INPP4B: variants seen among roughly 807,000 people sequenced by gnomAD.
The protein encoded by INPP4B is inositol polyphosphate-4-phosphatase type II B, also known as inositol polyphosphate 4-phosphatase type II.
Under a neutral mutation model 122.5 loss-of-function variants are expected in INPP4B, and 55 were observed. That is an observed-to-expected ratio of 0.45 (90% CI 0.36 to 0.56). The LOEUF is 0.56. Ranked by LOEUF, INPP4B falls within the 20% of genes least tolerant of loss-of-function variation. The probability of loss-of-function intolerance (pLI) is 0.00; values close to 1 mark genes in which losing one functional copy is unlikely to be tolerated. For missense variants in INPP4B, 1,000 were observed against 1,097.7 expected, an observed-to-expected ratio of 0.91 and a Z score of 1.26; for synonymous variants, 403 against 388.7, an observed-to-expected ratio of 1.04 and a Z score of -0.43.
At chr4:142,839,243 A>T (rs1783179332) in intron 1 of INPP4B, among the ~76,000 whole-genome samples, 1 of 152,160 alleles carries the variant, frequency 6.6e-6, no homozygotes, top group Non-Finnish European at 1.5e-5. Context: ...GGATAACCTG[A>T]GGTCAGGAGT....
intron 25 of INPP4B, among the ~76,000 whole-genome samples, chr4:142,060,195 A>G (rs1759855339): frequency 6.6e-6 from 1 of 152,162 alleles, no homozygotes. Context: ...TTGGTTGCAG[A>G]GCCCAAAACC....
chr4:142,474,367 A>T (rs1363247243), intron 2 of INPP4B: 3 of 152,008 alleles, frequency 2.0e-5, no homozygotes, highest in Non-Finnish European at 4.4e-5. Context: ...TAGGCTGGCA[A>T]TGCCTGTTAG....
intron 23 of INPP4B, among the ~76,000 whole-genome samples, chr4:142,094,213 G>A (rs1414613632): frequency 1.3e-5 from 2 of 152,124 alleles, no homozygotes; most frequent in African/African-American, 4.8e-5. Context: ...AGAGCAGAGT[G>A]GGAAAGGAAA....
chr4:142,342,414 G>T (rs1239755385), intron 7 of INPP4B, among the ~76,000 whole-genome samples: 1 of 152,078 alleles, frequency 6.6e-6, no homozygotes, highest in Non-Finnish European at 1.5e-5. Context: ...AAACAAAATT[G>T]AGAAATAAAA....
At position 142,190,743 on chromosome 4, in the gene INPP4B, T is replaced by C. The variant is rs972692237; in HGVS notation, c.1181+2344A>G. 3.7e-5 allele frequency among the ~76,000 whole-genome samples: 5 copies of C among 135,176 alleles called. No individual in the cohort carries two copies. In the South Asian group the frequency reaches 1.0e-3, roughly 27 times the overall value. The allele number at this position is 135,176 out of a possible 152,430, so 88.7% of individuals were successfully genotyped here. A position where few individuals can be genotyped will look rare whatever the true frequency, so the allele number is the denominator to read the frequency against. ...GTGTGTGTGTGTGTGTGTGTGTGTG[T>C]GTGCGCGTGTGTGTTGATATGTAAC... On this transcript the variant is annotated intron_variant, in intron 15 of 25. Transcript: ENST00000262992.
intron 12 of INPP4B, among the ~76,000 whole-genome samples, chr4:142,214,690 C>G (rs1004741111): frequency 6.6e-6 from 1 of 152,096 alleles, no homozygotes. Flanking sequence ...GTAGCTGGGA[C>G]TACAGGCGCC....
intron 16 of INPP4B, among the ~76,000 whole-genome samples, chr4:142,164,976 G>T (rs116344787): frequency 2.2e-3 from 327 of 151,790 alleles, no homozygotes; most frequent in Non-Finnish European, 3.7e-3. Flanking sequence ...AATGTGGTAA[G>T]TCAGCCCACA....
intron 1 of INPP4B, among the ~76,000 whole-genome samples, chr4:142,772,970 C>T (rs1384826457): frequency 6.6e-6 from 1 of 151,976 alleles, no homozygotes; most frequent in African/African-American, 2.4e-5. Context: ...TGCTTGAACC[C>T]GGGAGTCAGA....
At chr4:142,080,112 G>A (rs1022473880) in intron 25 of INPP4B, among the ~76,000 whole-genome samples, 3 of 152,062 alleles carry the variant, frequency 2.0e-5, no homozygotes, top group African/African-American at 7.2e-5. Flanking sequence ...TGAGGAAACT[G>A]AGAGGTACAA....
intron 2 of INPP4B, among the ~76,000 whole-genome samples, chr4:142,657,113 G>C (rs1472547879): frequency 6.6e-6 from 1 of 152,054 alleles, no homozygotes. Flanking sequence ...TGACTGGGTG[G>C]TCCTCTGTGT....
chr4:142,190,855 G>T (rs1835491535), intron 15 of INPP4B, among the ~76,000 whole-genome samples: 1 of 152,004 alleles, frequency 6.6e-6, no homozygotes. Flanking sequence ...TCTAACCACA[G>T]AACTCAACAG....
chr4:142,660,196 C>A (rs950475647), intron 2 of INPP4B, among the ~76,000 whole-genome samples: 1 of 152,146 alleles, frequency 6.6e-6, no homozygotes, highest in African/African-American at 2.4e-5. Flanking sequence ...CCCCATCCCC[C>A]ACTTCATGGG....
At chr4:142,594,689 C>T (rs1156394793) in intron 2 of INPP4B, among the ~76,000 whole-genome samples, 2 of 152,088 alleles carry the variant, frequency 1.3e-5, no homozygotes, top group African/African-American at 4.8e-5. Context: ...GGCATGGTGG[C>T]TCACACCTGT....
chr4:142,029,513 C>G, intron 25 of INPP4B: 1 of 985,612 alleles, frequency 1.0e-6, no homozygotes, highest in Non-Finnish European at 1.2e-6. Context: ...AAGACACAAA[C>G]AAGACCTTGT....
At chr4:142,667,885 A>T (rs1165655357) in intron 2 of INPP4B, among the ~76,000 whole-genome samples, 1 of 152,246 alleles carries the variant, frequency 6.6e-6, no homozygotes, top group Non-Finnish European at 1.5e-5. Flanking sequence ...TAAGCCAAGT[A>T]AGAAGAGATT....
chr4:142,262,910 T>C (rs1740786397), intron 10 of INPP4B, among the ~76,000 whole-genome samples: 1 of 152,284 alleles, frequency 6.6e-6, no homozygotes. Flanking sequence ...AGGAGCAACA[T>C]GGCCTGAGAA....
At chr4:142,035,902 A>AG (rs1412862657) in intron 25 of INPP4B, among the ~76,000 whole-genome samples, 1 of 152,040 alleles carries the variant, frequency 6.6e-6, no homozygotes, top group African/African-American at 2.4e-5. Flanking sequence ...GGAGAGGGGC[A>AG]GGAGGAGGCA....
At chr4:142,147,879 C>G (rs890948798) in intron 17 of INPP4B, among the ~76,000 whole-genome samples, 2 of 152,080 alleles carry the variant, frequency 1.3e-5, no homozygotes, top group Non-Finnish European at 2.9e-5. Context: ...GTAAAGGAAC[C>G]TCTGAACCAT....
At chr4:142,342,217 A>T (rs531700517) in intron 7 of INPP4B, among the ~76,000 whole-genome samples, 1 of 152,200 alleles carries the variant, frequency 6.6e-6, no homozygotes, top group South Asian at 2.1e-4. Flanking sequence ...GGAAATTGGT[A>T]GTAATTGTAT....
Sources: gnomAD v4.1 joint callset for allele counts (sites outside exome capture counted in the v4.1 genomes callset) on GRCh38, gnomAD v4.1.1 for gene constraint, MANE v1.5 for transcripts, NCBI Gene and HGNC (gene_info 2026-07-23, HGNC 2026-07-21) for gene names.